The following UXS1 variants were observed in gnomAD, a reference collection of about 807,000 sequenced individuals.
UXS1 encodes UDP-glucuronic acid decarboxylase 1.
UXS1 carries 33 observed loss-of-function variants against 62.6 expected under a neutral mutation model. The ratio of observed to expected loss-of-function variants is 0.53; its 90% confidence interval spans 0.40 to 0.70. The LOEUF is 0.70. UXS1 is among the 30% of genes least tolerant of loss of function. The pLI is 0.00. For missense variants in UXS1, 434 were observed against 556.3 expected (o/e 0.78, Z 2.21); for synonymous variants, 213 against 206.8 (o/e 1.03, Z -0.26).
intron 5 of UXS1, among the ~76,000 whole-genome samples, chr2:106,157,554 G>A (rs373688697): frequency 6.6e-6 from 1 of 152,054 alleles, no homozygotes; most frequent in Non-Finnish European, 1.5e-5. Flanking sequence ...GTGTCCACAC[G>A]AAAACTTACA....
chr2:106,188,158 TA>T (rs1313229215), intron 1 of UXS1, among the ~76,000 whole-genome samples: 1 of 152,228 alleles, frequency 6.6e-6, no homozygotes, highest in Non-Finnish European at 1.5e-5. Flanking sequence ...ATAGGCAATC[TA>T]TTTTCCTCCC....
intron 5 of UXS1, 132 bp from the exon 6 acceptor site, chr2:106,145,502 C>T: frequency 8.6e-7 from 1 of 1,161,378 alleles, no homozygotes. Context: ...GGAAGGAAGA[C>T]AGCAAAGGTT....
rs141235695 is a variant in UXS1, at chr2:106,102,451, C to T, written c.924-1333G>A. 1.1e-4 allele frequency: 16 copies of T among 152,284 alleles called. No individual in the cohort carries two copies. In the East Asian group the frequency reaches 3.1e-3, roughly 29 times the overall value. The allele number at this position is 152,284 out of a possible 1,614,324, so 9.4% of individuals were successfully genotyped here. A position where few individuals can be genotyped will look rare whatever the true frequency, so the allele number is the denominator to read the frequency against. ...GGAGAGCCATGGGCCTTTTACATGA[C>T]AAACTGGCAACTTTTAAGGTCAAAA... On this transcript the variant is annotated intron_variant, in intron 11 of 14. Coordinates refer to ENST00000283148, the MANE Select transcript of UXS1 (RefSeq NM_001253875.2).
intron 9 of UXS1, among the ~76,000 whole-genome samples, chr2:106,113,534 G>T (rs150689869): frequency 3.3e-5 from 5 of 152,130 alleles, no homozygotes; most frequent in African/African-American, 1.2e-4. Context: ...TGCAATCATG[G>T]AAGTGCATAC....
At chr2:106,171,586 G>A (rs549640827) in intron 1 of UXS1, among the ~76,000 whole-genome samples, 1 of 152,254 alleles carries the variant, frequency 6.6e-6, no homozygotes, top group African/African-American at 2.4e-5. Context: ...TTTAGAATAG[G>A]GATATAGCCT....
chr2:106,141,646 G>A (rs1039158121), intron 6 of UXS1, among the ~76,000 whole-genome samples: 4 of 151,764 alleles, frequency 2.6e-5, no homozygotes, highest in African/African-American at 7.3e-5. Flanking sequence ...ACAGGGTTTC[G>A]CCATGTTGCC....
intron 8 of UXS1, among the ~76,000 whole-genome samples, chr2:106,123,580 T>C (rs1180677258): frequency 6.6e-6 from 1 of 152,220 alleles, no homozygotes; most frequent in Non-Finnish European, 1.5e-5. Context: ...TGGAGGCTCC[T>C]GTAGGGCAGG....
At chr2:106,175,358 C>T (rs1683815221) in intron 1 of UXS1, among the ~76,000 whole-genome samples, 1 of 152,188 alleles carries the variant, frequency 6.6e-6, no homozygotes, top group African/African-American at 2.4e-5. Flanking sequence ...AGTTGAAAAA[C>T]AGTTTCTCTG....
chr2:106,186,342 G>C (rs946949253), intron 1 of UXS1, among the ~76,000 whole-genome samples: 7 of 152,068 alleles, frequency 4.6e-5, no homozygotes, highest in African/African-American at 1.7e-4. Context: ...ACACCAATTA[G>C]CAAGCATTGT....
At chr2:106,099,769 G>A (rs1677435701) in intron 12 of UXS1, among the ~76,000 whole-genome samples, 1 of 152,176 alleles carries the variant, frequency 6.6e-6, no homozygotes, top group African/African-American at 2.4e-5. Flanking sequence ...GTGTACACAG[G>A]CAAATGCTGC....
chr2:106,145,105 A>AAACAGCTT, intron 6 of UXS1, 85 bp downstream of exon 6: 1 of 1,465,514 alleles, frequency 6.8e-7, no homozygotes, highest in Non-Finnish European at 9.3e-7. Flanking sequence ...GTGCTGAGTC[A>AAACAGCTT]AACAGCTTAC....
chr2:106,187,088 G>GA (rs1240889836), intron 1 of UXS1, among the ~76,000 whole-genome samples: 7 of 152,058 alleles, frequency 4.6e-5, no homozygotes, highest in African/African-American at 1.7e-4. Context: ...GTAAGAAAAA[G>GA]AAAAATGTGG....
At chr2:106,137,769 T>A (rs1366509888) in intron 6 of UXS1, among the ~76,000 whole-genome samples, 3 of 151,996 alleles carry the variant, frequency 2.0e-5, no homozygotes, top group Non-Finnish European at 4.4e-5. Context: ...CACCGCAGCA[T>A]GGACAACAAG....
At chr2:106,159,747 C>T (rs1356325440) in intron 4 of UXS1, among the ~76,000 whole-genome samples, 1 of 152,196 alleles carries the variant, frequency 6.6e-6, no homozygotes, top group Non-Finnish European at 1.5e-5. Context: ...AATGCACTTC[C>T]TTAATGGTCG....
intron 1 of UXS1, among the ~76,000 whole-genome samples, chr2:106,177,705 C>T (rs1370112779): frequency 1.3e-5 from 2 of 152,208 alleles, no homozygotes; most frequent in Non-Finnish European, 2.9e-5. Context: ...GAATTGGGCC[C>T]TCACCAGATA....
chr2:106,104,228 C>T (rs1056444018), intron 11 of UXS1, among the ~76,000 whole-genome samples: 3 of 152,198 alleles, frequency 2.0e-5, no homozygotes, highest in African/African-American at 7.2e-5. Flanking sequence ...TCCACACTGC[C>T]TTCTAAAATT....
chr2:106,149,390 A>G (rs1047592507), intron 5 of UXS1, among the ~76,000 whole-genome samples: 7 of 152,234 alleles, frequency 4.6e-5, no homozygotes, highest in Non-Finnish European at 8.8e-5. Context: ...CCAGTGCAAC[A>G]GTGTTAAAAG....
chr2:106,098,539 CTCCTT>C (rs1398369985), intron 13 of UXS1, among the ~76,000 whole-genome samples, 172 bp downstream of exon 13: 1 of 152,204 alleles, frequency 6.6e-6, no homozygotes, highest in Non-Finnish European at 1.5e-5. Flanking sequence ...CAATCCTGCC[CTCCTT>C]TATCTTTCTA....
At chr2:106,144,172 A>G (rs1298785572) in intron 6 of UXS1, among the ~76,000 whole-genome samples, 1 of 152,234 alleles carries the variant, frequency 6.6e-6, no homozygotes, top group African/African-American at 2.4e-5. Context: ...ATCCAAGAGG[A>G]AAGTGAGCCC....
Sources: gnomAD v4.1 joint callset for allele counts (sites outside exome capture counted in the v4.1 genomes callset) on GRCh38, gnomAD v4.1.1 for gene constraint, MANE v1.5 for transcripts, NCBI Gene and HGNC (gene_info 2026-07-23, HGNC 2026-07-21) for gene names.